Variants in CAMK2D observed in about 807,000 individuals in gnomAD.
CAMK2D encodes the protein calcium/calmodulin-dependent protein kinase type II subunit delta.
In CAMK2D, 37 loss-of-function variants were observed where a neutral mutation model predicts 84.0. The observed-to-expected ratio is 0.44, with a 90% CI of 0.34 to 0.58. CAMK2D has a LOEUF of 0.58. Ranked by LOEUF, CAMK2D falls within the 20% of genes least tolerant of loss-of-function variation. The probability of loss-of-function intolerance (pLI) is 0.02; values close to 1 mark genes in which losing one functional copy is unlikely to be tolerated. For missense variants in CAMK2D, 448 were observed against 652.5 expected, an observed-to-expected ratio of 0.69 and a Z score of 3.41; for synonymous variants, 202 against 212.5, an observed-to-expected ratio of 0.95 and a Z score of 0.43.
At position 113,726,931 on chromosome 4, in the gene CAMK2D, A is replaced by T. The variant is rs188682615; in HGVS notation, c.160+32389T>A. Among the ~76,000 whole-genome samples the T allele has an allele frequency of 3.3e-5, 5 of 152,238 alleles. No individual in the cohort carries two copies. The East Asian group carries it at 9.6e-4, about 29-fold the overall frequency. On this transcript the variant is annotated intron_variant, in intron 2 of 20. Coordinates refer to ENST00000511664, the MANE Select transcript of CAMK2D (RefSeq NM_001321571.2). ...TAATATAAGGAAGTATAGCTCACTC[A>T]CTTTCACATGAGATACCCTCTCTTA...
chr4:113,625,423 G>A (rs2099063539), intron 3 of CAMK2D, among the ~76,000 whole-genome samples: 1 of 152,154 alleles, frequency 6.6e-6, no homozygotes, highest in Non-Finnish European at 1.5e-5. Context: ...GTGAGTACCA[G>A]AAGAAGGGAA....
At chr4:113,490,076 CT>C (rs1440000353) in intron 16 of CAMK2D, among the ~76,000 whole-genome samples, 3 of 151,216 alleles carry the variant, frequency 2.0e-5, no homozygotes, top group Non-Finnish European at 1.5e-5. Flanking sequence ...CGAAAATTTT[CT>C]CCCATTTTGT....
chr4:113,548,218 A>AGGGT, intron 5 of CAMK2D, among the ~76,000 whole-genome samples: 1 of 152,326 alleles, frequency 6.6e-6, no homozygotes, highest in Non-Finnish European at 1.5e-5. Flanking sequence ...GGCAATTAAT[A>AGGGT]TCTCTTGCCT....
At position 113,550,068 on chromosome 4, in the gene CAMK2D, G is replaced by T. The variant is rs79245369; in HGVS notation, c.341+1963C>A. ...AATCTTGGGAATAACAGAAGATAAA[G>T]AAGTAAACAATAACACATACTAAAT... On this transcript the variant is annotated intron_variant, in intron 5 of 20. Transcript: ENST00000511664. Among the ~76,000 whole-genome samples, 740 of 152,246 alleles carry T rather than the reference G, an allele frequency of 4.9e-3. 7 individuals are homozygous for T. The highest frequency in any genetic ancestry group is 0.017 in the African/African-American group (717 of 41,546).
chr4:113,513,764 C>T (rs1240049407), intron 11 of CAMK2D, 66 bp downstream of exon 11: 2 of 731,714 alleles, frequency 2.7e-6, no homozygotes, highest in African/African-American at 1.8e-5. Flanking sequence ...AGTTATTTTC[C>T]TCACACAGTA....
chr4:113,473,282 A>C (rs2097568376), intron 16 of CAMK2D, among the ~76,000 whole-genome samples: 1 of 152,214 alleles, frequency 6.6e-6, no homozygotes, highest in South Asian at 2.1e-4. Flanking sequence ...TATTTTAGGC[A>C]ACTATACAAA....
Position 113,601,180 on chromosome 4 carries a change from G to A in CAMK2D, c.275+7972C>T, listed in dbSNP as rs182381429. Among the ~76,000 whole-genome samples the A allele has an allele frequency of 2.0e-5, 3 of 152,194 alleles. No homozygotes were observed. In the East Asian group the frequency reaches 5.8e-4, roughly 29 times the overall value. ...ACTGAAAGTTTTCACGAACATAAAGGAAACATGATACGTGGGTAGAAGGAT... is the reference window on the plus strand; with the variant it reads ...ACTGAAAGTTTTCACGAACATAAAGAAAACATGATACGTGGGTAGAAGGAT... On this transcript the variant is annotated intron_variant, in intron 4 of 20. Coordinates refer to ENST00000511664, the MANE Select transcript of CAMK2D (RefSeq NM_001321571.2).
At chr4:113,483,317 A>C (rs1002728758) in intron 16 of CAMK2D, among the ~76,000 whole-genome samples, 3 of 151,984 alleles carry the variant, frequency 2.0e-5, no homozygotes, top group Non-Finnish European at 4.4e-5. Flanking sequence ...TTTCAAATAG[A>C]GGTCTCTTTG....
intron 2 of CAMK2D, among the ~76,000 whole-genome samples, chr4:113,739,751 T>C (rs1254835523): frequency 2.0e-5 from 3 of 152,162 alleles, no homozygotes; most frequent in Admixed American, 6.6e-5. Context: ...AAAATGGTCA[T>C]AATTTACTTT....
intron 4 of CAMK2D, among the ~76,000 whole-genome samples, chr4:113,589,085 T>C (rs1452282112): frequency 1.3e-5 from 2 of 152,082 alleles, no homozygotes; most frequent in Non-Finnish European, 2.9e-5. Flanking sequence ...GCAATATGCC[T>C]AGCATGTCCC....
At chr4:113,632,861 C>A (rs1365937150) in intron 3 of CAMK2D, among the ~76,000 whole-genome samples, 2 of 152,160 alleles carry the variant, frequency 1.3e-5, no homozygotes, top group Non-Finnish European at 2.9e-5. Context: ...TGAACTGAAT[C>A]TCAAAGTACT....
intron 11 of CAMK2D, among the ~76,000 whole-genome samples, 192 bp downstream of exon 11, chr4:113,513,638 A>G (rs571785281): frequency 6.6e-6 from 1 of 152,346 alleles, no homozygotes; most frequent in South Asian, 2.1e-4. Context: ...ATGTGTTGCC[A>G]GGATGATTCC....
intron 12 of CAMK2D, among the ~76,000 whole-genome samples, chr4:113,510,079 G>A (rs953181004): frequency 2.0e-5 from 3 of 152,176 alleles, no homozygotes; most frequent in African/African-American, 7.2e-5. Context: ...ACCACATATG[G>A]TGACCATGTC....
intron 16 of CAMK2D, among the ~76,000 whole-genome samples, chr4:113,487,317 C>T (rs1324089771): frequency 6.6e-6 from 1 of 151,942 alleles, no homozygotes; most frequent in Admixed American, 6.6e-5. Flanking sequence ...AAATTAGGGC[C>T]ACTCCACTTA....
chr4:113,484,590 A>G (rs2097746276), intron 16 of CAMK2D, among the ~76,000 whole-genome samples: 1 of 152,214 alleles, frequency 6.6e-6, no homozygotes. Context: ...ACAATGGTAC[A>G]GCATTTTATA....
intron 2 of CAMK2D, among the ~76,000 whole-genome samples, chr4:113,698,646 A>C (rs2099409808): frequency 6.6e-6 from 1 of 152,126 alleles, no homozygotes; most frequent in Non-Finnish European, 1.5e-5. Flanking sequence ...AGTAACCAAG[A>C]AAATCCCTTC....
At chr4:113,591,246 T>C (rs971590426) in intron 4 of CAMK2D, among the ~76,000 whole-genome samples, 3 of 152,140 alleles carry the variant, frequency 2.0e-5, no homozygotes, top group Non-Finnish European at 4.4e-5. Flanking sequence ...TAACACAATG[T>C]CATTGCATTA....
At chr4:113,635,085 G>A (rs942378944) in intron 3 of CAMK2D, among the ~76,000 whole-genome samples, 1 of 152,204 alleles carries the variant, frequency 6.6e-6, no homozygotes, top group African/African-American at 2.4e-5. Flanking sequence ...TTTATATAAA[G>A]ATATAATTGA....
chr4:113,735,732 A>G (rs2099579880), intron 2 of CAMK2D, among the ~76,000 whole-genome samples: 1 of 152,162 alleles, frequency 6.6e-6, no homozygotes, highest in Non-Finnish European at 1.5e-5. Flanking sequence ...TGGCTCAGAA[A>G]TTTTTACATT....
Sources: allele counts gnomAD v4.1 joint callset (sites outside exome capture counted in the v4.1 genomes callset), GRCh38; gene constraint gnomAD v4.1.1; transcripts MANE v1.5; gene names NCBI Gene and HGNC (gene_info 2026-07-23, HGNC 2026-07-21).